Variants in AGAP1 observed in about 807,000 individuals in gnomAD.
The protein encoded by AGAP1 is ArfGAP with GTPase domain, ankyrin repeat and PH domain 1, also known as arf-GAP with GTPase, ANK repeat and PH domain-containing protein 1.
AGAP1 carries 29 observed loss-of-function variants against 105.3 expected under a neutral mutation model. That is an observed-to-expected ratio of 0.28 (90% CI 0.21 to 0.38). The LOEUF (loss-of-function observed/expected upper bound fraction) is 0.38, where lower values mean the gene tolerates loss of function less well. AGAP1 is among the 10% of genes least tolerant of loss of function. AGAP1 has a pLI of 1.00. For synonymous variants in AGAP1, 509 were observed against 485.9 expected (o/e 1.05, Z -0.63); for missense variants, 998 against 1,165.1 (o/e 0.86, Z 2.09).
chr2:235,784,240 A>G (rs1031277476), intron 6 of AGAP1, among the ~76,000 whole-genome samples: 3 of 152,194 alleles, frequency 2.0e-5, no homozygotes, highest in Admixed American at 6.5e-5. Context: ...CACAAGTAGA[A>G]GTGTACAGTA....
At chr2:235,684,279 C>T (rs1403031970) in intron 1 of AGAP1, among the ~76,000 whole-genome samples, 1 of 152,130 alleles carries the variant, frequency 6.6e-6, no homozygotes, top group Non-Finnish European at 1.5e-5. Context: ...CTCCTGACCT[C>T]ATGATCCACC....
chr2:235,800,590 A>G lies in AGAP1; in HGVS notation c.957+1068A>G, dbSNP rs557331590. Reference sequence around the variant, plus strand: ...GCTGTCAGGTGACTGAAGCATTTGGACTTGAGAAGAACGCTTTTCCTCCCT... The same window carrying G: ...GCTGTCAGGTGACTGAAGCATTTGGGCTTGAGAAGAACGCTTTTCCTCCCT... On this transcript the variant is annotated intron_variant, in intron 8 of 17. Transcript: ENST00000304032. 9.7e-4 allele frequency among the ~76,000 whole-genome samples: 148 copies of G among 152,332 alleles called. No individual in the cohort carries two copies. In the South Asian group the frequency reaches 0.025, roughly 26 times the overall value.
chr2:236,116,640 C>T (rs1056036382), intron 16 of AGAP1, among the ~76,000 whole-genome samples: 1 of 152,166 alleles, frequency 6.6e-6, no homozygotes, highest in African/African-American at 2.4e-5. Context: ...TAAGCCACCA[C>T]GGCCAGCCAT....
intron 9 of AGAP1, among the ~76,000 whole-genome samples, chr2:235,868,063 G>A (rs1393130104): frequency 6.6e-6 from 1 of 152,098 alleles, no homozygotes; most frequent in Non-Finnish European, 1.5e-5. Context: ...GCTTTTCTTT[G>A]ACCTATTTTA....
At chr2:235,649,530 C>T (rs575553952) in intron 1 of AGAP1, among the ~76,000 whole-genome samples, 1 of 152,164 alleles carries the variant, frequency 6.6e-6, no homozygotes, top group Non-Finnish European at 1.5e-5. Flanking sequence ...CGCATCTCTA[C>T]ACTCAGCACA....
chr2:235,660,966 G>A lies in AGAP1; in HGVS notation c.164-48213G>A, dbSNP rs1039855855. ...GCAACTGTGGAGACTGGAGGGTGTC[G>A]GGGCGTTGAATACTGGTTAAGGAAA... On this transcript the variant is annotated intron_variant, in intron 1 of 17. Coordinates refer to ENST00000304032, the MANE Select transcript of AGAP1 (RefSeq NM_001037131.3). This position sits in a 1 kb window ranked among gnomAD's most constrained non-coding sequence, Gnocchi z 5.3. 9.9e-5 allele frequency among the ~76,000 whole-genome samples: 15 copies of A among 152,284 alleles called. No homozygotes were observed. Among genetic ancestry groups the A allele is most frequent in the South Asian group, 4.2e-4 (2 of 4,818 alleles).
Position 236,062,095 on chromosome 2 carries a change from G to A in AGAP1, c.2114+12814G>A, listed in dbSNP as rs1001636690. Among the ~76,000 whole-genome samples, 8 of 152,068 alleles carry A rather than the reference G, an allele frequency of 5.3e-5. No individual in the cohort carries two copies. The highest frequency in any genetic ancestry group is 1.9e-4 in the East Asian group (1 of 5,162). ...GCAGCCAAATTCCTGCCCTGCGGACGGCCCACAGGGGAGCGAGAGCAGGTG... is the reference window on the plus strand; with the variant it reads ...GCAGCCAAATTCCTGCCCTGCGGACAGCCCACAGGGGAGCGAGAGCAGGTG... On this transcript the variant is annotated intron_variant, in intron 16 of 17. Transcript: ENST00000304032. This position sits in a 1 kb window ranked among gnomAD's most constrained non-coding sequence, Gnocchi z 4.2.
At chr2:235,991,086 G>A (rs2055544577) in intron 13 of AGAP1, among the ~76,000 whole-genome samples, 1 of 152,160 alleles carries the variant, frequency 6.6e-6, no homozygotes, top group Admixed American at 6.5e-5. Context: ...CTGAGTACTT[G>A]TTTGTAGTTA....
In AGAP1 at chr2:236,078,155, GGTGTGTGT is replaced by G. The variant is rs145700440; in HGVS notation, c.2114+28887_2114+28894del. Among the ~76,000 whole-genome samples the G allele has an allele frequency of 1.4e-5, 2 of 146,474 alleles. No homozygotes were observed. Among genetic ancestry groups the G allele is most frequent in the East Asian group, 2.0e-4 (1 of 5,002 alleles). On this transcript the variant is annotated intron_variant, in intron 16 of 17. Coordinates refer to ENST00000304032, the MANE Select transcript of AGAP1 (RefSeq NM_001037131.3). The surrounding 1 kb of genome is among the most constrained non-coding windows in gnomAD (Gnocchi z 5.3). The stretch of plus-strand genomic sequence containing the variant: ...AAGTGTGTAGGGCAGGCCAGCCGGG[GGTGTGTGT>G]GTGTGTGTGTGTATATGTATGTGTG...
chr2:236,032,345 C>A (rs2057248898), intron 13 of AGAP1, among the ~76,000 whole-genome samples: 1 of 152,206 alleles, frequency 6.6e-6, no homozygotes, highest in Non-Finnish European at 1.5e-5. Context: ...ATTCACATCT[C>A]TTTCATTCAC....
In AGAP1 at chr2:235,751,335, T is replaced by C. The variant is rs1953417906; in HGVS notation, c.673+847T>C. ...TGGTGGGAGTGGTGGAAGTCACTTG[T>C]AGGGTCCTCTCCCCTTCTGGTTTAA... On this transcript the variant is annotated intron_variant, in intron 6 of 17. Transcript: ENST00000304032. This position sits in a 1 kb window ranked among gnomAD's most constrained non-coding sequence, Gnocchi z 5.3. Among the ~76,000 whole-genome samples the C allele has an allele frequency of 6.6e-6, 1 of 152,132 alleles. No individual in the cohort carries two copies. Among genetic ancestry groups the C allele is most frequent in the Non-Finnish European group, 1.5e-5 (1 of 67,994 alleles).
In AGAP1 at chr2:236,036,624, C is replaced by G. The variant is rs768333900; in HGVS notation, c.1709C>G (p.Ala570Gly). ...SLTGQTWHFEATTYEERDAWV... is the reference protein window; with the variant it reads ...SLTGQTWHFEGTTYEERDAWV... The stretch of plus-strand genomic sequence containing the variant: ...ACTGGCCAAACATGGCACTTTGAAG[C>G]CACGACGTATGAGGAGCGGGACGCC... Residue 570 changes from alanine to glycine, a missense_variant, in exon 14 of 18, where the codon GCC becomes GGC. Around this residue, in one of 3 missense-constraint regions of AGAP1, gnomAD observed 735 missense variants for 833.4 expected, o/e 0.88. Coordinates refer to ENST00000304032, the MANE Select transcript of AGAP1 (RefSeq NM_001037131.3). The surrounding 1 kb of genome is among the most constrained non-coding windows in gnomAD (Gnocchi z 5.7). The G allele has an allele frequency of 1.4e-5, 23 of 1,614,204 alleles. No homozygotes were observed. The Middle Eastern group carries it at 4.9e-4, about 35-fold the overall frequency.
intron 8 of AGAP1, among the ~76,000 whole-genome samples, chr2:235,806,760 G>C (rs116667345): frequency 1.8e-3 from 278 of 152,264 alleles, no homozygotes; most frequent in African/African-American, 6.3e-3. Context: ...ACAGCACCTT[G>C]ATACTAATCA....
intron 13 of AGAP1, among the ~76,000 whole-genome samples, chr2:236,024,034 GTT>G (rs1164008066): frequency 0.055 from 7,066 of 128,758 alleles, 515 homozygotes; most frequent in African/African-American, 0.19. Flanking sequence ...TTTTTTTTTT[GTT>G]TTTTTTTTTT....
In AGAP1 at chr2:235,867,574, T is replaced by TGTGTGTGTGTGTGTGC. The variant is rs1380487646; in HGVS notation, c.1051-15770_1051-15769insTGTGTGTGTGTGTGCG. Among the ~76,000 whole-genome samples the TGTGTGTGTGTGTGTGC allele has an allele frequency of 9.5e-5, 14 of 147,580 alleles. No homozygotes were observed. The highest frequency in any genetic ancestry group is 2.7e-4 in the African/African-American group (11 of 40,308). The stretch of plus-strand genomic sequence containing the variant: ...GTGTGTGTGTGTGTGTGTGTGTGTG[T>TGTGTGTGTGTGTGTGC]GCAAGTGAGGGAGGGTGACCCCCAC... On this transcript the variant is annotated intron_variant, in intron 9 of 17. Coordinates refer to ENST00000304032, the MANE Select transcript of AGAP1 (RefSeq NM_001037131.3). The surrounding 1 kb of genome is among the most constrained non-coding windows in gnomAD (Gnocchi z 5.4).
intron 9 of AGAP1, among the ~76,000 whole-genome samples, chr2:235,861,162 A>C (rs377678675): frequency 6.6e-6 from 1 of 152,250 alleles, no homozygotes; most frequent in South Asian, 2.1e-4. Context: ...GCAGTGGTTC[A>C]TCATTCGATT....
At chr2:236,111,105 G>A (rs954187155) in intron 16 of AGAP1, among the ~76,000 whole-genome samples, 1 of 152,148 alleles carries the variant, frequency 6.6e-6, no homozygotes, top group African/African-American at 2.4e-5. Flanking sequence ...CATCACCTTG[G>A]GGAGTTAGGA....
At chr2:235,669,434 C>A (rs962401077) in intron 1 of AGAP1, among the ~76,000 whole-genome samples, 59 of 151,964 alleles carry the variant, frequency 3.9e-4, no homozygotes, top group African/African-American at 1.2e-3. Context: ...GGGCTGGGCC[C>A]CTCGGAGGCT....
chr2:235,774,572 A>G (rs1435377331), intron 6 of AGAP1: 1 of 310,842 alleles, frequency 3.2e-6, no homozygotes, highest in African/African-American at 2.2e-5. Flanking sequence ...CGCATTTAAA[A>G]TGGAAATGAA....
Sources: gnomAD v4.1 joint callset for allele counts (sites outside exome capture counted in the v4.1 genomes callset) on GRCh38, gnomAD v4.1.1 for gene constraint, gnomAD v4.1.1 regional missense constraint, Gnocchi (gnomAD v3.1) non-coding constraint, MANE v1.5 for transcripts, NCBI Gene and HGNC (gene_info 2026-07-23, HGNC 2026-07-21) for gene names.